LRP1B: variants seen among roughly 807,000 people sequenced by gnomAD.
LRP1B encodes low-density lipoprotein receptor-related protein 1B.
A neutral mutation model predicts 556.6 loss-of-function variants in LRP1B; 217 were observed. The ratio of observed to expected loss-of-function variants is 0.39; its 90% CI spans 0.35 to 0.44. The LOEUF (loss-of-function observed/expected upper bound fraction) is 0.44. Among genes scored for constraint, LRP1B ranks in the 20% least tolerant of loss-of-function variants. The pLI is 1.00. For synonymous variants in LRP1B, 2,047 were observed against 1,865.8 expected (o/e 1.10, Z -2.50); for missense variants, 5,053 against 5,620.8 (o/e 0.90, Z 3.23).
At chr2:141,699,598 C>T in intron 2 of LRP1B, among the ~76,000 whole-genome samples, 1 of 151,424 alleles carries the variant, frequency 6.6e-6, no homozygotes. Context: ...CCTGTTACAA[C>T]CCTGGATCAC....
intron 3 of LRP1B, among the ~76,000 whole-genome samples, chr2:141,297,517 A>T (rs189882360): frequency 4.6e-5 from 7 of 152,282 alleles, no homozygotes; most frequent in Admixed American, 6.5e-5. Context: ...ATCTGAACAT[A>T]GTCTATAGTC....
At chr2:140,339,870 T>C (rs1029100141) in intron 77 of LRP1B, among the ~76,000 whole-genome samples, 13 of 151,520 alleles carry the variant, frequency 8.6e-5, no homozygotes, top group African/African-American at 2.9e-4. Flanking sequence ...AGATGAAAAC[T>C]TTGGCTTCTA....
In LRP1B at chr2:140,886,960, T is replaced by G. The variant is rs1693655589; in HGVS notation, c.3767-625A>C. On this transcript the variant is annotated intron_variant, in intron 23 of 90. Coordinates refer to ENST00000389484, the MANE Select transcript of LRP1B (RefSeq NM_018557.3). ...AGAAGCTTTGAAAACGGATATGAGA[T>G]TAAAGTTTCTTTTAGTATTATTTTT... 1.3e-5 allele frequency among the ~76,000 whole-genome samples: 2 copies of G among 152,142 alleles called. 1 individual carries two copies. Among genetic ancestry groups the G allele is most frequent in the South Asian group, 4.1e-4 (2 of 4,828 alleles).
chr2:141,572,086 T>A (rs559121890), intron 2 of LRP1B, among the ~76,000 whole-genome samples: 1 of 152,054 alleles, frequency 6.6e-6, no homozygotes, highest in South Asian at 2.1e-4. Context: ...GAGAACACCA[T>A]TAAGATACTC....
chr2:141,965,746 T>C (rs1054810278), intron 1 of LRP1B, among the ~76,000 whole-genome samples: 2 of 109,876 alleles, frequency 1.8e-5, no homozygotes, highest in Non-Finnish European at 4.0e-5. Context: ...TAAAGTAGAA[T>C]TAAAAAAAAT....
chr2:140,427,407 G>A (rs1026293934), intron 66 of LRP1B, among the ~76,000 whole-genome samples: 6 of 151,786 alleles, frequency 4.0e-5, no homozygotes, highest in Non-Finnish European at 5.9e-5. Flanking sequence ...TCCACCCTCC[G>A]TTCGTCCTTC....
chr2:140,438,551 A>G (rs1193421369), intron 66 of LRP1B, among the ~76,000 whole-genome samples: 1 of 152,224 alleles, frequency 6.6e-6, no homozygotes, highest in East Asian at 1.9e-4. Context: ...AGGAAAATAA[A>G]AGAACATGTT....
At chr2:141,971,721 C>A (rs1434583271) in intron 1 of LRP1B, among the ~76,000 whole-genome samples, 4 of 151,396 alleles carry the variant, frequency 2.6e-5, no homozygotes, top group Non-Finnish European at 4.4e-5. Context: ...TAACACACAG[C>A]CATAGTTATT....
intron 29 of LRP1B, among the ~76,000 whole-genome samples, chr2:140,846,085 T>C (rs1016660940): frequency 1.3e-5 from 2 of 152,034 alleles, no homozygotes; most frequent in East Asian, 1.9e-4. Context: ...TACAAGTAGC[T>C]AGAGAGCAAA....
At position 140,512,333 on chromosome 2, in the gene LRP1B, A is replaced by G. The variant is rs7602352; in HGVS notation, c.8270-2277T>C. On this transcript the variant is annotated intron_variant, in intron 51 of 90. Coordinates refer to ENST00000389484, the MANE Select transcript of LRP1B (RefSeq NM_018557.3). The stretch of plus-strand genomic sequence containing the variant: ...AGAACATGCCAAAACATCATAGTCA[A>G]TTGGGAAGAAAATGGGCCAAAGAAA... Among the ~76,000 whole-genome samples the G allele has an allele frequency of 3.7e-3, 562 of 152,298 alleles. 3 individuals carry two copies. The highest frequency in any genetic ancestry group is 0.013 in the African/African-American group (541 of 41,564).
At chr2:140,566,432 G>A (rs1681127992) in intron 43 of LRP1B, among the ~76,000 whole-genome samples, 1 of 152,140 alleles carries the variant, frequency 6.6e-6, no homozygotes, top group Non-Finnish European at 1.5e-5. Context: ...CCTGGCCAGA[G>A]TTGCTTTATC....
chr2:140,872,318 A>G (rs1170956223), intron 25 of LRP1B, among the ~76,000 whole-genome samples: 1 of 138,826 alleles, frequency 7.2e-6, no homozygotes, highest in African/African-American at 2.7e-5. Context: ...AGACAAGTTC[A>G]TCTCAGCTCT....
At chr2:140,827,213 T>C (rs931859017) in intron 31 of LRP1B, among the ~76,000 whole-genome samples, 1 of 151,876 alleles carries the variant, frequency 6.6e-6, no homozygotes, top group South Asian at 2.1e-4. Flanking sequence ...GCTATAGACA[T>C]ACATCCATAA....
At chr2:141,480,761 A>G (rs1682890098) in intron 2 of LRP1B, among the ~76,000 whole-genome samples, 1 of 152,214 alleles carries the variant, frequency 6.6e-6, no homozygotes, top group Non-Finnish European at 1.5e-5. Flanking sequence ...AACGCATTAA[A>G]AACATAAATA....
At chr2:141,636,768 T>C (rs191983382) in intron 2 of LRP1B, among the ~76,000 whole-genome samples, 237 of 151,878 alleles carry the variant, frequency 1.6e-3, no homozygotes, top group Non-Finnish European at 2.8e-3. Context: ...AAAAAAAACA[T>C]AAGGTAGAAA....
intron 43 of LRP1B, among the ~76,000 whole-genome samples, chr2:140,571,250 A>G (rs1433147724): frequency 6.6e-6 from 1 of 151,768 alleles, no homozygotes; most frequent in Non-Finnish European, 1.5e-5. Context: ...ATGATCTTCC[A>G]TATAGGAAAC....
intron 2 of LRP1B, among the ~76,000 whole-genome samples, chr2:141,595,667 A>G (rs1328217725): frequency 6.6e-6 from 1 of 152,072 alleles, no homozygotes. Flanking sequence ...ATCTTTCATC[A>G]ATTTCTCCAA....
chr2:140,261,437 G>T (rs1006353763), intron 86 of LRP1B, among the ~76,000 whole-genome samples: 1 of 151,800 alleles, frequency 6.6e-6, no homozygotes, highest in Non-Finnish European at 1.5e-5. Context: ...CTAATTCTTA[G>T]TGTTAGTTTC....
At chr2:141,927,575 C>A (rs560288729) in intron 1 of LRP1B, among the ~76,000 whole-genome samples, 1 of 152,038 alleles carries the variant, frequency 6.6e-6, no homozygotes, top group East Asian at 1.9e-4. Context: ...TCTTTTGATT[C>A]CTTTTTAATC....
Sources: allele counts gnomAD v4.1 joint callset (sites outside exome capture counted in the v4.1 genomes callset), GRCh38; gene constraint gnomAD v4.1.1; transcripts MANE v1.5; gene names NCBI Gene and HGNC (gene_info 2026-07-23, HGNC 2026-07-21).